The following RABGAP1L variants were observed in gnomAD, a reference collection of about 807,000 sequenced individuals.
The protein encoded by RABGAP1L is RAB GTPase activating protein 1 like, also known as rab GTPase-activating protein 1-like.
A neutral mutation model predicts 137.7 loss-of-function variants in RABGAP1L; 63 were observed. The observed-to-expected ratio is 0.46, with a 90% confidence interval of 0.37 to 0.56. RABGAP1L has a LOEUF of 0.56. RABGAP1L is among the 20% of genes least tolerant of loss of function. The pLI is 0.00. For synonymous variants in RABGAP1L, 431 were observed against 433.7 expected (o/e 0.99, Z 0.08); for missense variants, 1,095 against 1,244.0 (o/e 0.88, Z 1.80).
chr1:174,655,661 C>A (rs1675912869), intron 14 of RABGAP1L, among the ~76,000 whole-genome samples: 1 of 152,052 alleles, frequency 6.6e-6, no homozygotes, highest in Non-Finnish European at 1.5e-5. Context: ...TATTTAATTG[C>A]CCCATTTCTC....
chr1:174,548,433 C>G (rs1462839988), intron 13 of RABGAP1L: 1 of 963,228 alleles, frequency 1.0e-6, no homozygotes, highest in South Asian at 4.3e-5. Context: ...CTTGCTTTTG[C>G]TTATATATGG....
At chr1:174,282,146 T>G (rs1487984489) in intron 10 of RABGAP1L, among the ~76,000 whole-genome samples, 1 of 152,216 alleles carries the variant, frequency 6.6e-6, no homozygotes. Context: ...GGACATAGAT[T>G]TTCATTTCTT....
chr1:174,988,571 TAAATTGTTTCAGA>T, intron 24 of RABGAP1L, 57 bp from the exon 25 acceptor site: 1 of 1,303,670 alleles, frequency 7.7e-7, no homozygotes, highest in Non-Finnish European at 1.0e-6. Context: ...AAAAAAGTCA[TAAATTGTTTCAGA>T]AGGTGATTTA....
Position 174,650,220 on chromosome 1 carries a change from A to G in RABGAP1L, c.1824+12732A>G, listed in dbSNP as rs558381139. Among the ~76,000 whole-genome samples the G allele has an allele frequency of 1.3e-4, 20 of 152,194 alleles. No homozygotes were observed. The East Asian group carries it at 2.1e-3, about 16-fold the overall frequency. ...TGGTGGATAAGCTTTTTGATGTGCC[A>G]CTTGATTCGGTTTGCCAGTATTTTA... On this transcript the variant is annotated intron_variant, in intron 14 of 25. Transcript: ENST00000681986.
In RABGAP1L at chr1:174,660,526, A is replaced by G. The variant is rs142138845; in HGVS notation, c.1825-22996A>G. The stretch of plus-strand genomic sequence containing the variant: ...TGTAACTACCCTGGTCTAAACTAAC[A>G]TATCTCCTACCTGGTCACCTTGCTT... On this transcript the variant is annotated intron_variant, in intron 14 of 25. Transcript: ENST00000681986. Among the ~76,000 whole-genome samples, 691 of 152,278 alleles carry G rather than the reference A, an allele frequency of 4.5e-3. 8 individuals carry two copies. Among genetic ancestry groups the G allele is most frequent in the Middle Eastern group, 3.4e-3 (1 of 294 alleles).
chr1:174,665,388 T>C (rs1212842556), intron 14 of RABGAP1L, among the ~76,000 whole-genome samples: 1 of 151,104 alleles, frequency 6.6e-6, no homozygotes, highest in Non-Finnish European at 1.5e-5. Flanking sequence ...TCCTTTCCTT[T>C]CTTTCTTTCT....
intron 13 of RABGAP1L, among the ~76,000 whole-genome samples, chr1:174,514,246 C>CAAA (rs1662600630): frequency 1.4e-5 from 1 of 69,306 alleles, no homozygotes; most frequent in African/African-American, 1.1e-4. Context: ...ATATTTTAAG[C>CAAA]CAAAAAAAAA....
chr1:174,195,642 T>TTCC lies in RABGAP1L; in HGVS notation c.-33-23481_-33-23479dup, dbSNP rs1667543502. On this transcript the variant is annotated intron_variant, in intron 1 of 25. Coordinates refer to ENST00000681986, the MANE Select transcript of RABGAP1L (RefSeq NM_001366446.1). ...CTTCCTTCCTTCCTTCCTTCCTTCCTTCCTTCCTTCCTTTCCTTTCCTTTC... is the reference window on the plus strand; with the variant it reads ...CTTCCTTCCTTCCTTCCTTCCTTCCTTCCTCCTTCCTTCCTTTCCTTTCCTTTC... Among the ~76,000 whole-genome samples, 7 of 89,490 alleles carry TTCC rather than the reference T, an allele frequency of 7.8e-5. No homozygotes were observed. In the East Asian group the frequency reaches 2.2e-3, roughly 28 times the overall value. 58.7% of individuals were successfully genotyped at this position (89,490 alleles called of 152,430 possible). A position where few individuals can be genotyped will look rare whatever the true frequency, so the allele number is the denominator to read the frequency against.
rs973796166 is a variant in RABGAP1L at position 174,547,849 on chromosome 1, T to C, written c.1711-89526T>C. The stretch of plus-strand genomic sequence containing the variant: ...TTTTGTCTTTTAGCAACAGATGAAA[T>C]TTAGTCTTACACCGAGACAGACTAT... On this transcript the variant is annotated intron_variant, in intron 13 of 25. Transcript: ENST00000681986. 1.9e-5 allele frequency: 29 copies of C among 1,530,626 alleles called. No individual in the cohort carries two copies. The Admixed American group carries it at 5.5e-4, about 29-fold the overall frequency. 94.8% of individuals were successfully genotyped at this position (1,530,626 alleles called of 1,614,324 possible). A position where few individuals can be genotyped will look rare whatever the true frequency, so the allele number is the denominator to read the frequency against.
intron 20 of RABGAP1L, chr1:174,958,278 A>G (rs754274753): frequency 5.6e-6 from 6 of 1,063,100 alleles, no homozygotes; most frequent in Non-Finnish European, 7.4e-6. Flanking sequence ...CAGAATCAAA[A>G]TAATTTCATT....
chr1:174,566,731 T>C lies in RABGAP1L; in HGVS notation c.1711-70644T>C, dbSNP rs74126836. On this transcript the variant is annotated intron_variant, in intron 13 of 25. Transcript: ENST00000681986. Reference sequence around the variant, plus strand: ...GACCGTACTAAGAGTCTTTTGTATTTATGTGCAAGAGTTTTTTCCTGATGG... The same window carrying C: ...GACCGTACTAAGAGTCTTTTGTATTCATGTGCAAGAGTTTTTTCCTGATGG... Among the ~76,000 whole-genome samples the C allele has an allele frequency of 5.8e-3, 878 of 152,286 alleles. 8 individuals are homozygous for C. The highest frequency in any genetic ancestry group is 0.02 in the African/African-American group (838 of 41,562).
chr1:174,904,391 A>C (rs1051699510), intron 19 of RABGAP1L, among the ~76,000 whole-genome samples: 1 of 152,154 alleles, frequency 6.6e-6, no homozygotes, highest in African/African-American at 2.4e-5. Flanking sequence ...AGAGAGATTG[A>C]GACCATCAAC....
At chr1:174,958,295 C>T (rs554471504) in intron 20 of RABGAP1L, 80 of 954,020 alleles carry the variant, frequency 8.4e-5, no homozygotes, top group East Asian at 1.8e-4. Flanking sequence ...CATTTTAATA[C>T]GTTCGTTAAT....
chr1:174,744,618 A>G (rs1272175797), intron 17 of RABGAP1L, among the ~76,000 whole-genome samples: 2 of 152,204 alleles, frequency 1.3e-5, no homozygotes, highest in Non-Finnish European at 2.9e-5. Flanking sequence ...TGTGCCCAAA[A>G]TACATATTCT....
chr1:174,393,189 AGTT>A (rs1558195556), intron 12 of RABGAP1L, among the ~76,000 whole-genome samples: 1 of 151,972 alleles, frequency 6.6e-6, no homozygotes. Flanking sequence ...AGCAAGTTGG[AGTT>A]GTTGTGTAGG....
chr1:174,726,682 G>C (rs577795115), intron 17 of RABGAP1L, among the ~76,000 whole-genome samples: 1 of 151,984 alleles, frequency 6.6e-6, no homozygotes, highest in East Asian at 1.9e-4. Context: ...CTGACTTTTT[G>C]TCATTCCTTC....
intron 14 of RABGAP1L, among the ~76,000 whole-genome samples, chr1:174,655,354 C>T (rs1557955646): frequency 6.6e-6 from 1 of 152,108 alleles, no homozygotes; most frequent in South Asian, 2.1e-4. Context: ...CTTTCTTGAC[C>T]TTGATGCTTT....
At chr1:174,719,724 A>G (rs1681335745) in intron 17 of RABGAP1L, among the ~76,000 whole-genome samples, 1 of 152,224 alleles carries the variant, frequency 6.6e-6, no homozygotes, top group Admixed American at 6.5e-5. Context: ...AATTTTTATA[A>G]AAAGCTGAGG....
At chr1:174,984,876 A>C (rs558201938) in intron 24 of RABGAP1L, among the ~76,000 whole-genome samples, 55 of 152,368 alleles carry the variant, frequency 3.6e-4, no homozygotes, top group South Asian at 1.2e-3. Flanking sequence ...GGGTGGATAG[A>C]AATTAGTTAG....
Sources: allele counts gnomAD v4.1 joint callset (sites outside exome capture counted in the v4.1 genomes callset), GRCh38; gene constraint gnomAD v4.1.1; transcripts MANE v1.5; gene names NCBI Gene and HGNC (gene_info 2026-07-23, HGNC 2026-07-21).